RIOX2: variants seen among roughly 807,000 people sequenced by gnomAD.
RIOX2 encodes the protein ribosomal oxygenase 2.
Under a neutral mutation model 51.2 loss-of-function variants are expected in RIOX2, and 43 were observed. That is an observed-to-expected ratio of 0.84 (90% CI 0.66 to 1.08). The LOEUF (loss-of-function observed/expected upper bound fraction) is 1.08, where lower values mean the gene tolerates loss of function less well. Among genes scored for constraint, RIOX2 ranks in the 50% least tolerant of loss-of-function variants. The pLI is 0.00. For missense variants in RIOX2, 566 were observed against 561.7 expected (o/e 1.01, Z -0.08); for synonymous variants, 226 against 218.5 (o/e 1.03, Z -0.30).
chr3:97,946,158 T>C (rs2040351540), intron 8 of RIOX2, among the ~76,000 whole-genome samples: 1 of 152,118 alleles, frequency 6.6e-6, no homozygotes, highest in Non-Finnish European at 1.5e-5. Flanking sequence ...GCTGGAGTGC[T>C]ACCTGGAAGA....
At chr3:97,962,395 G>T (rs1221108220) in intron 2 of RIOX2, among the ~76,000 whole-genome samples, 1 of 130,086 alleles carries the variant, frequency 7.7e-6, no homozygotes, top group Non-Finnish European at 1.5e-5. Flanking sequence ...TCTTTAAGTC[G>T]GTCTGAAGTT....
In RIOX2 at chr3:97,967,327, C is replaced by T; in HGVS notation, c.267G>A (p.Leu89=). 6.2e-7 allele frequency: 1 copy of T among 1,614,232 alleles called. No individual in the cohort carries two copies. Among genetic ancestry groups the T allele is most frequent in the Non-Finnish European group, 8.5e-7 (1 of 1,180,044 alleles). The stretch of plus-strand genomic sequence containing the variant: ...TTCCATAGTACATCCCCCGGCTGCA[C>T]AGACTCTTCAGATCTGTTAGCTTGA... The part of the protein sequence containing the change: ...SLFKLTDLKS[L]CSRGMYYGRD... Residue 89 remains leucine (L), a synonymous_variant, in exon 2 of 10, where the codon CTG becomes CTA. Transcript: ENST00000394198.
Position 97,943,282 on chromosome 3 carries a change from G to GAAAC in RIOX2, c.*1898_*1901dup. On this transcript the variant is annotated 3_prime_UTR_variant, in exon 10 of 10. Coordinates refer to ENST00000394198, the MANE Select transcript of RIOX2 (RefSeq NM_153182.4). ...TGTAAATCAGCCCCTGGAGGGAGAA[G>GAAAC]AAACACAGAAATGGGACATTGAAAT... is the stretch of plus-strand genomic sequence containing the variant. 6.3e-7 allele frequency: 1 copy of GAAAC among 1,588,476 alleles called. No individual in the cohort carries two copies. The highest frequency in any genetic ancestry group is 2.2e-5 in the East Asian group (1 of 44,606).
intron 2 of RIOX2, among the ~76,000 whole-genome samples, chr3:97,963,627 C>G (rs1705763674): frequency 6.6e-6 from 1 of 152,224 alleles, no homozygotes; most frequent in East Asian, 1.9e-4. Context: ...ACTAGAAAAC[C>G]AGGGCTTCTC....
rs1238112757 is a variant in RIOX2 at position 97,959,138 on chromosome 3, G to A, written c.594C>T (p.Leu198=). Residue 198 remains leucine (L), a synonymous_variant, in exon 4 of 10, where the codon CTC becomes CTT. Coordinates refer to ENST00000394198, the MANE Select transcript of RIOX2 (RefSeq NM_153182.4). ...GTGCCAGGGGCACAGTGGGGTGGTA[G>A]AGGCGCCAGTGTTTCTCTCCCTCCA... ...LQLEGEKHWR[L]YHPTVPLARE... 1.2e-6 allele frequency: 2 copies of A among 1,613,948 alleles called. No individual in the cohort carries two copies. Among genetic ancestry groups the A allele is most frequent in the African/African-American group, 1.3e-5 (1 of 74,922 alleles).
chr3:97,970,667 C>T (rs969320417), intron 1 of RIOX2, among the ~76,000 whole-genome samples: 1 of 152,156 alleles, frequency 6.6e-6, no homozygotes, highest in East Asian at 1.9e-4. Flanking sequence ...GTAAATATTT[C>T]TGTAAAATCA....
intron 8 of RIOX2, among the ~76,000 whole-genome samples, chr3:97,946,586 G>GTGTA (rs143245408): frequency 7.8e-5 from 10 of 127,632 alleles, no homozygotes; most frequent in Non-Finnish European, 1.1e-4. Context: ...TTTTGAGGAT[G>GTGTA]TATATATATA....
At chr3:97,960,979 G>C (rs1705652707) in intron 3 of RIOX2, among the ~76,000 whole-genome samples, 1 of 152,068 alleles carries the variant, frequency 6.6e-6, no homozygotes, top group African/African-American at 2.4e-5. Context: ...TATCAAAGGA[G>C]AAAAAGGGGA....
chr3:97,966,355 G>T (rs538130600), intron 2 of RIOX2, among the ~76,000 whole-genome samples: 11 of 152,238 alleles, frequency 7.2e-5, no homozygotes, highest in Admixed American at 6.5e-4. Context: ...TCTGAATGGG[G>T]ATAAAAGTTT....
chr3:97,967,066 C>T, intron 2 of RIOX2, 96 bp downstream of exon 2: 1 of 1,314,270 alleles, frequency 7.6e-7, no homozygotes, highest in South Asian at 1.4e-5. Flanking sequence ...AAGAGACTAA[C>T]CATCATCAAA....
In RIOX2 at chr3:97,949,694, G is replaced by C. The variant is rs867304537; in HGVS notation, c.1060+150C>G. 5 of 672,564 alleles carry C rather than the reference G, an allele frequency of 7.4e-6. No homozygotes were observed. The African/African-American group carries it at 9.0e-5, about 12-fold the overall frequency. The allele number at this position is 672,564 out of a possible 1,614,324, so 41.7% of individuals were successfully genotyped here. A position where few individuals can be genotyped will look rare whatever the true frequency, so the allele number is the denominator to read the frequency against. ...CTAAAGGTTGAGTGCAGCACATCTC[G>C]TCTGCCCATATTCACTAAGGATGGA... On this transcript the variant is annotated intron_variant, in intron 7 of 9. Coordinates refer to ENST00000394198, the MANE Select transcript of RIOX2 (RefSeq NM_153182.4).
rs780995863 is a variant in RIOX2 at position 97,967,330 on chromosome 3, A to T, written c.264T>A (p.Ser88Arg). Residue 88 changes from serine to arginine, a missense_variant, in exon 2 of 10, where the codon AGT (serine) becomes AGA (arginine). Physicochemically the swap from Ser to Arg is moderately radical, Grantham distance 110. Transcript: ENST00000394198. ...GSLFKLTDLKSLCSRGMYYGR... is the reference protein window; with the variant it reads ...GSLFKLTDLKRLCSRGMYYGR... ...CATAGTACATCCCCCGGCTGCACAG[A>T]CTCTTCAGATCTGTTAGCTTGAACA... 6 of 1,613,894 alleles carry T rather than the reference A, an allele frequency of 3.7e-6. No homozygotes were observed. The Middle Eastern group carries it at 4.9e-4, about 133-fold the overall frequency.
In RIOX2 at chr3:97,945,823, A is replaced by G; in HGVS notation, c.1214T>C (p.Met405Thr). The G allele has an allele frequency of 6.2e-7, 1 of 1,610,664 alleles. No individual in the cohort carries two copies. The highest frequency in any genetic ancestry group is 2.2e-5 in the East Asian group (1 of 44,838). Residue 405 changes from methionine to threonine, a missense_variant, in exon 9 of 10, where the codon ATG becomes ACG. Coordinates refer to ENST00000394198, the MANE Select transcript of RIOX2 (RefSeq NM_153182.4). ...HSLKNSRETH[M>T]MGNEEETEFH... Reference sequence around the variant, plus strand: ...CTCTGTTTCCTCCTCATTTCCCATCATGTGTGTCTCTCTACTATTCTTTAA... The same window carrying G: ...CTCTGTTTCCTCCTCATTTCCCATCGTGTGTGTCTCTCTACTATTCTTTAA...
Position 97,943,395 on chromosome 3 carries a change from GA to G in RIOX2, c.*1788del. 1.3e-6 allele frequency: 1 copy of G among 798,062 alleles called. No homozygotes were observed. The highest frequency in any genetic ancestry group is 2.6e-5 in the East Asian group (1 of 37,934). 49.4% of individuals were successfully genotyped at this position (798,062 alleles called of 1,614,324 possible). A position where few individuals can be genotyped will look rare whatever the true frequency, so the allele number is the denominator to read the frequency against. ...GTCATTGTCTTGTGGACGTGGAAAG[GA>G]AGCTACTGTCCTCACACTCCTGGAT... On this transcript the variant is annotated 3_prime_UTR_variant, in exon 10 of 10. Transcript: ENST00000394198.
Position 97,949,982 on chromosome 3 carries a change from A to C in RIOX2, c.922T>G (p.Leu308Val). ...VESTTVATRR[L>V]SGFLRTLADR... The stretch of plus-strand genomic sequence containing the variant: ...GCAAGTGTCCTCAGGAAGCCACTTA[A>C]TCGTCTTGTAGCAACAGTTGTGGAT... The change falls in exon 7 of 10, where the codon TTA becomes GTA. Residue 308 changes from leucine to valine, a missense_variant. Physicochemically the swap from Leu to Val is conservative, Grantham distance 32 (BLOSUM62 1). Coordinates refer to ENST00000394198, the MANE Select transcript of RIOX2 (RefSeq NM_153182.4). 5 of 1,613,886 alleles carry C rather than the reference A, an allele frequency of 3.1e-6. No homozygotes were observed. Among genetic ancestry groups the C allele is most frequent in the Non-Finnish European group, 4.2e-6 (5 of 1,179,938 alleles).
rs573671303 is a variant in RIOX2 at position 97,956,112 on chromosome 3, G to A, written c.682-1617C>T. 6.6e-5 allele frequency among the ~76,000 whole-genome samples: 10 copies of A among 152,296 alleles called. No homozygotes were observed. The South Asian group carries it at 1.9e-3, about 28-fold the overall frequency. ...TTTAGACCAGCATCACCACAAACACGTGAGTAATGCGTAGCACTACAACAT... is the reference window on the plus strand; with the variant it reads ...TTTAGACCAGCATCACCACAAACACATGAGTAATGCGTAGCACTACAACAT... On this transcript the variant is annotated intron_variant, in intron 4 of 9. Transcript: ENST00000394198.
intron 3 of RIOX2, among the ~76,000 whole-genome samples, chr3:97,959,516 C>T (rs912072276): frequency 2.6e-5 from 4 of 151,912 alleles, no homozygotes; most frequent in African/African-American, 4.8e-5. Context: ...TGGGGTGTCA[C>T]TTTGTTGCCC....
chr3:97,952,917 C>G (rs1234549123), intron 5 of RIOX2, among the ~76,000 whole-genome samples: 1 of 152,118 alleles, frequency 6.6e-6, no homozygotes, highest in Non-Finnish European at 1.5e-5. Flanking sequence ...AAAGATAGCA[C>G]TAAACTAGGG....
chr3:97,962,443 A>C (rs891386560), intron 2 of RIOX2, among the ~76,000 whole-genome samples: 1 of 136,906 alleles, frequency 7.3e-6, no homozygotes, highest in Non-Finnish European at 1.5e-5. Flanking sequence ...ACACTTGGGA[A>C]TTGCCTACAC....
Sources: gnomAD v4.1 joint callset for allele counts (sites outside exome capture counted in the v4.1 genomes callset) on GRCh38, gnomAD v4.1.1 for gene constraint, MANE v1.5 for transcripts, NCBI Gene and HGNC (gene_info 2026-07-23, HGNC 2026-07-21) for gene names.